Variants in CRACD observed in about 807,000 individuals in gnomAD.
CRACD encodes the protein capping protein inhibiting regulator of actin dynamics.
Under a neutral mutation model 106.8 loss-of-function variants are expected in CRACD, and 56 were observed. That is an observed-to-expected ratio of 0.52 (90% CI 0.42 to 0.66). The LOEUF (loss-of-function observed/expected upper bound fraction) is 0.66. CRACD is among the 30% of genes least tolerant of loss of function. The pLI, the probability that CRACD is intolerant of heterozygous loss-of-function variation, is 0.00. For synonymous variants in CRACD, 754 were observed against 670.8 expected (o/e 1.12, Z -1.92); for missense variants, 1,730 against 1,623.2 (o/e 1.07, Z -1.13).
chr4:56,164,815 T>A (rs77753749), intron 1 of CRACD, among the ~76,000 whole-genome samples: 1 of 152,190 alleles, frequency 6.6e-6, no homozygotes, highest in Non-Finnish European at 1.5e-5. Flanking sequence ...TGATCAAAAC[T>A]GTTATAGAGT....
At chr4:56,185,102 G>A (rs1048732729) in intron 2 of CRACD, among the ~76,000 whole-genome samples, 30 of 152,116 alleles carry the variant, frequency 2.0e-4, no homozygotes, top group African/African-American at 7.0e-4. Context: ...GACCACAGGC[G>A]CCCACCACCA....
chr4:56,177,537 A>T (rs1736639313), intron 1 of CRACD, among the ~76,000 whole-genome samples: 2 of 152,116 alleles, frequency 1.3e-5, no homozygotes, highest in Admixed American at 1.3e-4. Context: ...CTTGTAAAAT[A>T]AGTGTGGAAG....
At chr4:56,232,841 C>T (rs1328880713) in intron 2 of CRACD, among the ~76,000 whole-genome samples, 3 of 152,032 alleles carry the variant, frequency 2.0e-5, no homozygotes, top group Admixed American at 6.6e-5. Context: ...TCTCCTGCCT[C>T]AGCCTCCCAA....
At chr4:56,247,849 G>GAA (rs58377145) in intron 2 of CRACD, among the ~76,000 whole-genome samples, 5 of 145,980 alleles carry the variant, frequency 3.4e-5, no homozygotes. Flanking sequence ...CCATCTTACA[G>GAA]AAAAAAAAAA....
intron 2 of CRACD, among the ~76,000 whole-genome samples, chr4:56,188,672 T>G (rs1421445738): frequency 3.1e-5 from 3 of 97,364 alleles, no homozygotes; most frequent in African/African-American, 5.7e-5. Flanking sequence ...TCTCTCTCTC[T>G]CTCTCTCTCT....
At chr4:56,172,578 TCAGC>T (rs1736416309) in intron 1 of CRACD, among the ~76,000 whole-genome samples, 2 of 151,704 alleles carry the variant, frequency 1.3e-5, no homozygotes, top group South Asian at 4.2e-4. Context: ...CTCTCCTGCC[TCAGC>T]CTCCTGAGTA....
intron 2 of CRACD, among the ~76,000 whole-genome samples, chr4:56,183,524 A>G (rs1736945836): frequency 6.6e-6 from 1 of 152,228 alleles, no homozygotes; most frequent in South Asian, 2.1e-4. Context: ...CACGTGGTGT[A>G]GAGGGACATC....
intron 1 of CRACD, among the ~76,000 whole-genome samples, chr4:56,127,767 C>T (rs1258452007): frequency 1.3e-5 from 2 of 152,122 alleles, no homozygotes; most frequent in Non-Finnish European, 2.9e-5. Flanking sequence ...GAGCCATATG[C>T]AGTTCTTTAG....
intron 2 of CRACD, among the ~76,000 whole-genome samples, chr4:56,250,376 T>G (rs561147345): frequency 6.6e-6 from 1 of 152,338 alleles, no homozygotes; most frequent in East Asian, 1.9e-4. Context: ...ACTAGGTGCT[T>G]TATATACCAT....
At chr4:56,161,781 T>A (rs1735966900) in intron 1 of CRACD, among the ~76,000 whole-genome samples, 1 of 144,012 alleles carries the variant, frequency 6.9e-6, no homozygotes, top group Admixed American at 6.9e-5. Flanking sequence ...TTTTTTTTTT[T>A]GAGATGGAGT....
rs376999569 is a variant in CRACD, at chr4:56,131,556, A to G, written c.-335-47728A>G. On this transcript the variant is annotated intron_variant, in intron 1 of 10. Transcript: ENST00000682029. Reference sequence around the variant, plus strand: ...GTACTTGTGTAGTATGGAGCTTTCTATAGGGCCTGCTCTTGTGAACAGCAA... The same window carrying G: ...GTACTTGTGTAGTATGGAGCTTTCTGTAGGGCCTGCTCTTGTGAACAGCAA... Among the ~76,000 whole-genome samples, 17 of 152,342 alleles carry G rather than the reference A, an allele frequency of 1.1e-4. No homozygotes were observed. The East Asian group carries it at 2.1e-3, about 19-fold the overall frequency.
At chr4:56,189,976 C>A (rs1456823366) in intron 2 of CRACD, among the ~76,000 whole-genome samples, 2 of 111,872 alleles carry the variant, frequency 1.8e-5, no homozygotes, top group Non-Finnish European at 3.6e-5. Context: ...CCCCTCCCCC[C>A]ACCCCACAAC....
At chr4:56,055,152 T>C (rs1362723415) in intron 1 of CRACD, among the ~76,000 whole-genome samples, 1 of 152,122 alleles carries the variant, frequency 6.6e-6, no homozygotes, top group Non-Finnish European at 1.5e-5. Flanking sequence ...AAAAAGGCAT[T>C]TTGTTTTTAC....
intron 3 of CRACD, among the ~76,000 whole-genome samples, chr4:56,272,853 C>A (rs1364641110): frequency 6.8e-6 from 1 of 147,592 alleles, no homozygotes; most frequent in Non-Finnish European, 1.5e-5. Flanking sequence ...GAGCTGAGAT[C>A]ATGCCACTGC....
Position 56,315,008 on chromosome 4 carries a change from G to A in CRACD, c.1506G>A (p.Gln502=), listed in dbSNP as rs1251623478. 6.3e-7 allele frequency: 1 copy of A among 1,588,274 alleles called. No individual in the cohort carries two copies. The highest frequency in any genetic ancestry group is 8.6e-7 in the Non-Finnish European group (1 of 1,168,642). Residue 502 remains glutamine (Q), a synonymous_variant, in exon 8 of 11, where the codon CAG becomes CAA. Coordinates refer to ENST00000682029, the MANE Select transcript of CRACD (RefSeq NM_001393381.1). The surrounding 1 kb of genome is among the most constrained non-coding windows in gnomAD (Gnocchi z 4.1). Reference sequence around the variant, plus strand: ...AAGAGGGGCCGGTGGAAGCCGCGCAGCCTCCGGTGGAGAGGAAAGAAGCCG... The same window carrying A: ...AAGAGGGGCCGGTGGAAGCCGCGCAACCTCCGGTGGAGAGGAAAGAAGCCG... ...LKQEGPVEAA[Q]PPVERKEAAA...
intron 1 of CRACD, among the ~76,000 whole-genome samples, chr4:56,123,750 C>G (rs28421026): frequency 0.051 from 7,768 of 152,168 alleles, 301 homozygotes; most frequent in African/African-American, 0.096. Context: ...TAGTACCCCC[C>G]CTACACTGTC....
intron 4 of CRACD, among the ~76,000 whole-genome samples, chr4:56,302,017 GAA>G (rs1394260160): frequency 6.6e-6 from 1 of 152,120 alleles, no homozygotes; most frequent in East Asian, 1.9e-4. Flanking sequence ...AATACCATTT[GAA>G]TGAGTGACAG....
chr4:56,134,192 C>T (rs966114907), intron 1 of CRACD, among the ~76,000 whole-genome samples: 7 of 148,372 alleles, frequency 4.7e-5, no homozygotes, highest in African/African-American at 1.5e-4. Context: ...GCAGTGAGAC[C>T]CTGTCTCAAA....
At chr4:56,145,465 A>G (rs989577958) in intron 1 of CRACD, among the ~76,000 whole-genome samples, 4 of 152,164 alleles carry the variant, frequency 2.6e-5, no homozygotes, top group Non-Finnish European at 5.9e-5. Flanking sequence ...TTTTCTCCCC[A>G]TAGACCATCT....
Sources: allele counts gnomAD v4.1 joint callset (sites outside exome capture counted in the v4.1 genomes callset), GRCh38; gene constraint gnomAD v4.1.1; non-coding constraint Gnocchi (gnomAD v3.1); transcripts MANE v1.5; gene names NCBI Gene and HGNC (gene_info 2026-07-23, HGNC 2026-07-21).